Variants in STK32A observed in about 807,000 individuals in gnomAD.
STK32A encodes the protein serine/threonine kinase 32A.
In STK32A, 41 loss-of-function variants were observed where a neutral mutation model predicts 53.2. That is an observed-to-expected ratio of 0.77 (90% CI 0.60 to 1.00). STK32A has a LOEUF of 1.00. STK32A is among the 50% of genes least tolerant of loss of function. The pLI, the probability that STK32A is intolerant of heterozygous loss-of-function variation, is 0.00. For synonymous variants in STK32A, 166 were observed against 162.8 expected (o/e 1.02, Z -0.15); for missense variants, 458 against 485.8 (o/e 0.94, Z 0.54).
At chr5:147,361,871 G>C (rs1032302613) in intron 8 of STK32A, among the ~76,000 whole-genome samples, 9 of 152,202 alleles carry the variant, frequency 5.9e-5, no homozygotes, top group Admixed American at 3.9e-4. Flanking sequence ...AACTCCCAAA[G>C]AGGGGAAATC....
chr5:147,239,572 C>T lies in STK32A; in HGVS notation c.-63C>T, dbSNP rs1462815429. ...CTAAGGCTTCGGGACATGTTTTGAGCGAAGATGGGTGTTTCTGCCCGGATA... is the reference window on the plus strand; with the variant it reads ...CTAAGGCTTCGGGACATGTTTTGAGTGAAGATGGGTGTTTCTGCCCGGATA... On this transcript the variant is annotated 5_prime_UTR_variant, in exon 2 of 13. Transcript: ENST00000397936. 3.5e-5 allele frequency: 46 copies of T among 1,310,134 alleles called. No homozygotes were observed. Among genetic ancestry groups the T allele is most frequent in the African/African-American group, 1.3e-4 (9 of 66,906 alleles). 81.2% of individuals were successfully genotyped at this position (1,310,134 alleles called of 1,614,324 possible). A position where few individuals can be genotyped will look rare whatever the true frequency, so the allele number is the denominator to read the frequency against.
chr5:147,377,885 C>T (rs890195880), intron 11 of STK32A, among the ~76,000 whole-genome samples: 6 of 152,054 alleles, frequency 3.9e-5, no homozygotes, highest in Non-Finnish European at 7.4e-5. Context: ...GAACTGCTTA[C>T]ATCAGCATTT....
chr5:147,347,816 A>G (rs1378134849), intron 6 of STK32A, among the ~76,000 whole-genome samples: 1 of 152,188 alleles, frequency 6.6e-6, no homozygotes, highest in Non-Finnish European at 1.5e-5. Flanking sequence ...TCACCATGGT[A>G]AGGAGAAGCA....
intron 4 of STK32A, among the ~76,000 whole-genome samples, chr5:147,284,157 A>AT (rs771917670): frequency 6.6e-5 from 10 of 152,222 alleles, no homozygotes; most frequent in Admixed American, 5.2e-4. Flanking sequence ...CATAAACAGA[A>AT]TTTTTAAAAA....
intron 10 of STK32A, among the ~76,000 whole-genome samples, chr5:147,374,379 T>C (rs1156683282): frequency 6.6e-6 from 1 of 151,786 alleles, no homozygotes; most frequent in Non-Finnish European, 1.5e-5. Flanking sequence ...GCAGGAGGCA[T>C]GCTCCAATGA....
chr5:147,324,034 G>T lies in STK32A; in HGVS notation c.397G>T (p.Ala133Ser), dbSNP rs1428728441. 6.2e-7 allele frequency: 1 copy of T among 1,609,790 alleles called. No homozygotes were observed. The highest frequency in any genetic ancestry group is 1.1e-5 in the South Asian group (1 of 89,860). The change falls in exon 5 of 13, where the codon GCC becomes TCC. Residue 133 changes from alanine (A) to serine (S), a missense_variant. Physicochemically the swap from Ala to Ser is moderately conservative, Grantham distance 99. Coordinates refer to ENST00000397936, the MANE Select transcript of STK32A (RefSeq NM_001112724.2). ...GCTCTTCATCTGTGAGCTGGTCATGGCCCTGGACTACCTGCAGAACCAGCG... is the reference window on the plus strand; with the variant it reads ...GCTCTTCATCTGTGAGCTGGTCATGTCCCTGGACTACCTGCAGAACCAGCG... Reference protein sequence around the residue: ...VKLFICELVMALDYLQNQRII... With the variant: ...VKLFICELVMSLDYLQNQRII...
intron 6 of STK32A, 98 bp downstream of exon 6, chr5:147,343,141 G>C: frequency 7.5e-7 from 1 of 1,342,106 alleles, no homozygotes; most frequent in Non-Finnish European, 1.1e-6. Flanking sequence ...AAGGTATTTT[G>C]TTCTATTCAT....
rs376355025 is a variant in STK32A at position 147,304,418 on chromosome 5, C to CT, written c.261-19478dup. ...TAGCTCTGTTAATTTTGAACTGCCC[C>CT]TTAGTAATTCAGATAGAGCTCTTGA... On this transcript the variant is annotated intron_variant, in intron 4 of 12. Coordinates refer to ENST00000397936, the MANE Select transcript of STK32A (RefSeq NM_001112724.2). Among the ~76,000 whole-genome samples, 4 of 152,280 alleles carry CT rather than the reference C, an allele frequency of 2.6e-5. No homozygotes were observed. The East Asian group carries it at 7.7e-4, about 29-fold the overall frequency.
intron 2 of STK32A, among the ~76,000 whole-genome samples, chr5:147,273,304 A>G (rs984253573): frequency 1.3e-5 from 2 of 152,238 alleles, no homozygotes; most frequent in African/African-American, 2.4e-5. Context: ...AAAAAGAGAC[A>G]GGAAGAAATC....
At chr5:147,359,604 T>A (rs1163446162) in intron 7 of STK32A, among the ~76,000 whole-genome samples, 2 of 152,166 alleles carry the variant, frequency 1.3e-5, no homozygotes, top group Non-Finnish European at 2.9e-5. Context: ...GACGTGTCTG[T>A]CACCCATCAC....
intron 4 of STK32A, among the ~76,000 whole-genome samples, chr5:147,294,030 C>T (rs1296523556): frequency 2.0e-5 from 3 of 152,082 alleles, no homozygotes; most frequent in Non-Finnish European, 4.4e-5. Context: ...CTTTTATAAC[C>T]TATTACAATT....
At chr5:147,259,744 G>C (rs78782774) in intron 2 of STK32A, among the ~76,000 whole-genome samples, 6 of 151,250 alleles carry the variant, frequency 4.0e-5, no homozygotes, top group Non-Finnish European at 8.8e-5. Context: ...CCTCTTTGTA[G>C]CTCTGCCTCT....
At chr5:147,284,675 A>C (rs1196615420) in intron 4 of STK32A, among the ~76,000 whole-genome samples, 3 of 137,606 alleles carry the variant, frequency 2.2e-5, no homozygotes, top group South Asian at 2.3e-4. Context: ...GCAAAAAAAA[A>C]CAAAACAAAA....
intron 2 of STK32A, among the ~76,000 whole-genome samples, chr5:147,260,430 G>A (rs75705485): frequency 3.6e-4 from 54 of 151,736 alleles, no homozygotes; most frequent in African/African-American, 1.3e-3. Context: ...GGGAGCGACC[G>A]GTGGGAGTAG....
chr5:147,368,800 A>G (rs936679729), intron 8 of STK32A, among the ~76,000 whole-genome samples: 3 of 152,194 alleles, frequency 2.0e-5, no homozygotes, highest in African/African-American at 4.8e-5. Flanking sequence ...AGAAAAATGT[A>G]CACACTTAAA....
chr5:147,268,422 T>C (rs1754899808), intron 2 of STK32A, among the ~76,000 whole-genome samples: 1 of 152,098 alleles, frequency 6.6e-6, no homozygotes, highest in South Asian at 2.1e-4. Context: ...CAGCACTGCT[T>C]ATATCACTTG....
intron 2 of STK32A, among the ~76,000 whole-genome samples, chr5:147,263,597 T>C (rs981995608): frequency 3.3e-5 from 5 of 152,054 alleles, no homozygotes; most frequent in Non-Finnish European, 7.4e-5. Context: ...AAATTTGCTT[T>C]GGGAAAAAAA....
intron 7 of STK32A, among the ~76,000 whole-genome samples, chr5:147,352,265 C>T (rs1446088429): frequency 2.0e-5 from 3 of 152,148 alleles, no homozygotes; most frequent in Non-Finnish European, 2.9e-5. Context: ...AATTCTGCCT[C>T]AGAAAGTTTA....
At chr5:147,394,169 G>C in the STK32A span, 1 of 1,591,992 alleles carries the variant, frequency 6.3e-7, no homozygotes, top group Non-Finnish European at 8.6e-7. Context: ...AAACAGAGTG[G>C]CGGGTAGGGG....
Sources: gnomAD v4.1 joint callset for allele counts (sites outside exome capture counted in the v4.1 genomes callset) on GRCh38, gnomAD v4.1.1 for gene constraint, MANE v1.5 for transcripts, NCBI Gene and HGNC (gene_info 2026-07-23, HGNC 2026-07-21) for gene names.